Variants in AOPEP observed in about 807,000 individuals in gnomAD.
AOPEP encodes aminopeptidase O (putative), also known as aminopeptidase O.
Under a neutral mutation model 98.1 loss-of-function variants are expected in AOPEP, and 77 were observed. The ratio of observed to expected loss-of-function variants is 0.78; its 90% confidence interval spans 0.65 to 0.95. The LOEUF is 0.95. Among genes scored for constraint, AOPEP ranks in the 40% least tolerant of loss-of-function variants. The pLI, the probability that AOPEP is intolerant of heterozygous loss-of-function variation, is 0.00. For missense variants in AOPEP, 1,024 were observed against 1,024.7 expected (o/e 1.00, Z 0.01); for synonymous variants, 346 against 365.3 (o/e 0.95, Z 0.60).
chr9:94,886,321 G>C (rs749058815), intron 5 of AOPEP, among the ~76,000 whole-genome samples: 1 of 152,162 alleles, frequency 6.6e-6, no homozygotes, highest in Non-Finnish European at 1.5e-5. Context: ...TCCATAAGCT[G>C]ATTTATAAAA....
intron 5 of AOPEP, among the ~76,000 whole-genome samples, chr9:94,852,627 G>A (rs964536045): frequency 6.6e-6 from 1 of 152,214 alleles, no homozygotes; most frequent in Non-Finnish European, 1.5e-5. Context: ...GACCACTGGG[G>A]GATCCCCCCA....
chr9:95,145,968 A>T, the AOPEP span, among the ~76,000 whole-genome samples: 3,901 of 95,446 alleles, frequency 0.041, 144 homozygotes, highest in African/African-American at 0.12. Context: ...CTGATTCTTT[A>T]TTTTTTTTTA....
At chr9:94,853,229 G>A (rs755116055) in intron 5 of AOPEP, among the ~76,000 whole-genome samples, 15 of 152,202 alleles carry the variant, frequency 9.9e-5, no homozygotes, top group Non-Finnish European at 1.8e-4. Context: ...GGAGGCCGAC[G>A]TGGGCAGATC....
intron 3 of AOPEP, among the ~76,000 whole-genome samples, chr9:94,790,384 C>G (rs971175289): frequency 2.0e-5 from 3 of 152,180 alleles, no homozygotes; most frequent in African/African-American, 7.2e-5. Context: ...CCAGGCTGGT[C>G]TCGAACTCCT....
the AOPEP span, chr9:95,111,337 A>T: frequency 6.3e-7 from 1 of 1,598,032 alleles, no homozygotes. Flanking sequence ...TTGCCATGAC[A>T]TATGCCATCT....
chr9:95,080,149 T>G (rs1177290898), intron 14 of AOPEP, among the ~76,000 whole-genome samples: 1 of 152,214 alleles, frequency 6.6e-6, no homozygotes, highest in African/African-American at 2.4e-5. Context: ...AAATCATGTT[T>G]AAAACAGTGA....
intron 13 of AOPEP, among the ~76,000 whole-genome samples, chr9:95,018,645 C>G (rs531021081): frequency 1.3e-5 from 2 of 152,344 alleles, no homozygotes; most frequent in Admixed American, 6.5e-5. Flanking sequence ...TTCTTATCCT[C>G]TCTGGAATTG....
At chr9:94,914,346 G>C (rs2052496235) in intron 5 of AOPEP, among the ~76,000 whole-genome samples, 1 of 152,222 alleles carries the variant, frequency 6.6e-6, no homozygotes, top group African/African-American at 2.4e-5. Context: ...TTCAGCTGCA[G>C]TTACTACATA....
chr9:94,999,434 CA>C (rs2061427447), intron 11 of AOPEP, among the ~76,000 whole-genome samples: 1 of 152,116 alleles, frequency 6.6e-6, no homozygotes, highest in South Asian at 2.1e-4. Flanking sequence ...GAAGTAAAAA[CA>C]AAAAAGCTGC....
In AOPEP at chr9:94,760,665, A is replaced by G. The variant is rs953626386; in HGVS notation, c.797+85A>G. 18 of 1,107,962 alleles carry G rather than the reference A, an allele frequency of 1.6e-5. No homozygotes were observed. In the Admixed American group the frequency reaches 4.8e-4, roughly 30 times the overall value. 68.6% of individuals were successfully genotyped at this position (1,107,962 alleles called of 1,614,324 possible). The stretch of plus-strand genomic sequence containing the variant: ...CTTTCAAACATGAGACCGGCTCTGC[A>G]GAGATGCTCCTGTGTCTTCTGTGAC... On this transcript the variant is annotated intron_variant, in intron 2 of 16. Coordinates refer to ENST00000375315, the MANE Select transcript of AOPEP (RefSeq NM_001193329.3).
At chr9:95,052,905 TC>T (rs1198512430) in intron 13 of AOPEP, among the ~76,000 whole-genome samples, 1 of 152,206 alleles carries the variant, frequency 6.6e-6, no homozygotes, top group South Asian at 2.1e-4. Flanking sequence ...TTTAAATTCT[TC>T]CAGTTCTTGA....
At chr9:94,788,720 G>C (rs1844993512) in intron 3 of AOPEP, among the ~76,000 whole-genome samples, 1 of 152,150 alleles carries the variant, frequency 6.6e-6, no homozygotes, top group Non-Finnish European at 1.5e-5. Context: ...TGAAAGCCTG[G>C]CTGTCAGCCT....
chr9:94,834,647 G>T (rs1203121810), intron 5 of AOPEP, among the ~76,000 whole-genome samples: 1 of 152,028 alleles, frequency 6.6e-6, no homozygotes, highest in African/African-American at 2.4e-5. Context: ...CAAAAAATTA[G>T]CCCACTGTGG....
chr9:95,083,373 A>G (rs2070092946), intron 16 of AOPEP, among the ~76,000 whole-genome samples: 1 of 148,096 alleles, frequency 6.8e-6, no homozygotes, highest in African/African-American at 2.5e-5. Context: ...CACACAGAGC[A>G]CACGCGGCAC....
At chr9:94,938,460 A>G (rs2056600495) in intron 7 of AOPEP, among the ~76,000 whole-genome samples, 1 of 152,204 alleles carries the variant, frequency 6.6e-6, no homozygotes, top group Non-Finnish European at 1.5e-5. Context: ...TTTAGTTAGA[A>G]AGGGCTACAG....
At chr9:95,087,878 A>C (rs943934873), downstream of AOPEP, among the ~76,000 whole-genome samples, 1 of 152,210 alleles carries the variant, frequency 6.6e-6, no homozygotes, top group Admixed American at 6.5e-5. Context: ...GAACACACCC[A>C]CAGTCTCCTC....
chr9:95,066,782 C>T (rs913574902), intron 14 of AOPEP, among the ~76,000 whole-genome samples: 3 of 152,214 alleles, frequency 2.0e-5, no homozygotes, highest in Admixed American at 2.0e-4. Context: ...TGATGCTCTT[C>T]TTCCGGTATA....
Position 94,778,168 on chromosome 9 carries a change from A to C in AOPEP, c.964+5000A>C, listed in dbSNP as rs1405982522. Among the ~76,000 whole-genome samples the C allele has an allele frequency of 3.9e-5, 6 of 152,226 alleles. No homozygotes were observed. The East Asian group carries it at 1.2e-3, about 29-fold the overall frequency. Reference sequence around the variant, plus strand: ...TACCAAGTGTTTCCAAGGATAAGCCACAACTAGAACTCTCATACATTGCTG... The same window carrying C: ...TACCAAGTGTTTCCAAGGATAAGCCCCAACTAGAACTCTCATACATTGCTG... On this transcript the variant is annotated intron_variant, in intron 3 of 16. Transcript: ENST00000375315.
intron 14 of AOPEP, among the ~76,000 whole-genome samples, chr9:95,074,285 G>A (rs1453739931): frequency 6.6e-6 from 1 of 152,206 alleles, no homozygotes; most frequent in Non-Finnish European, 1.5e-5. Context: ...ATTCCTTGAG[G>A]ATTTTAATTC....
Sources: gnomAD v4.1 joint callset for allele counts (sites outside exome capture counted in the v4.1 genomes callset) on GRCh38, gnomAD v4.1.1 for gene constraint, MANE v1.5 for transcripts, NCBI Gene and HGNC (gene_info 2026-07-23, HGNC 2026-07-21) for gene names.